The following GRIA4 variants were observed in gnomAD, a reference collection of about 807,000 sequenced individuals.
The protein encoded by GRIA4 is glutamate receptor 4.
GRIA4 carries 34 observed loss-of-function variants against 104.0 expected under a neutral mutation model. The ratio of observed to expected loss-of-function variants is 0.33; its 90% confidence interval spans 0.25 to 0.44. The LOEUF is 0.44. Ranked by LOEUF, GRIA4 falls within the 20% of genes least tolerant of loss-of-function variation. The pLI is 1.00. For synonymous variants in GRIA4, 386 were observed against 381.9 expected (o/e 1.01, Z -0.13); for missense variants, 750 against 1,096.5 (o/e 0.68, Z 4.46).
chr11:105,834,967 T>A (rs1213809514), intron 4 of GRIA4, among the ~76,000 whole-genome samples: 1 of 152,088 alleles, frequency 6.6e-6, no homozygotes, highest in Non-Finnish European at 1.5e-5. Flanking sequence ...TCAATATATG[T>A]ATAAGATCAG....
At chr11:105,684,699 G>T (rs532924693) in intron 3 of GRIA4, among the ~76,000 whole-genome samples, 2 of 150,068 alleles carry the variant, frequency 1.3e-5, no homozygotes, top group Admixed American at 6.6e-5. Flanking sequence ...AGAAGAAAAA[G>T]AATTTGATTT....
In GRIA4 at chr11:105,748,665, G is replaced by A. The variant is rs527671689; in HGVS notation, c.248-4316G>A. 1.3e-4 allele frequency among the ~76,000 whole-genome samples: 20 copies of A among 152,282 alleles called. No homozygotes were observed. The East Asian group carries it at 3.9e-3, about 29-fold the overall frequency. ...CCCAAAGTACTGGGATTACAGGCAT[G>A]AGCCACCGCGCCCCGCCCCTAGAAT... On this transcript the variant is annotated intron_variant, in intron 3 of 16. Transcript: ENST00000282499.
chr11:105,732,547 A>G (rs745896365), intron 3 of GRIA4, among the ~76,000 whole-genome samples: 8 of 152,076 alleles, frequency 5.3e-5, no homozygotes, highest in Non-Finnish European at 7.4e-5. Context: ...GCATGGAAAA[A>G]CAATAATAGA....
At chr11:105,786,173 A>AAAAGG (rs1268984708) in intron 4 of GRIA4, among the ~76,000 whole-genome samples, 1 of 150,676 alleles carries the variant, frequency 6.6e-6, no homozygotes, top group African/African-American at 2.4e-5. Context: ...AAAGGAAAGA[A>AAAAGG]AAAGGAAGTA....
chr11:105,921,587 G>A (rs1947566169), intron 11 of GRIA4, among the ~76,000 whole-genome samples: 1 of 152,064 alleles, frequency 6.6e-6, no homozygotes, highest in Non-Finnish European at 1.5e-5. Context: ...GGACATGGAT[G>A]TCACCACCTT....
intron 4 of GRIA4, among the ~76,000 whole-genome samples, chr11:105,781,940 C>G (rs757316747): frequency 1.3e-5 from 2 of 152,216 alleles, no homozygotes; most frequent in Admixed American, 6.5e-5. Context: ...TCAGGGGAAA[C>G]AGTACCCCTT....
chr11:105,912,648 G>A, intron 10 of GRIA4: 1 of 726,162 alleles, frequency 1.4e-6, no homozygotes, highest in Non-Finnish European at 1.7e-6. Context: ...GTATCTTTTT[G>A]TATGAAAATG....
intron 3 of GRIA4, among the ~76,000 whole-genome samples, chr11:105,751,445 CT>C (rs1200165487): frequency 6.6e-6 from 1 of 152,146 alleles, no homozygotes; most frequent in Non-Finnish European, 1.5e-5. Context: ...ATGCCTGAAG[CT>C]TCAACTAGAA....
chr11:105,919,606 G>A (rs976044739), intron 11 of GRIA4, among the ~76,000 whole-genome samples: 6 of 152,192 alleles, frequency 3.9e-5, no homozygotes, highest in African/African-American at 1.4e-4. Flanking sequence ...ATTCATAGCT[G>A]AAGGCAAATA....
intron 14 of GRIA4, chr11:105,945,391 A>T: frequency 3.6e-6 from 1 of 280,800 alleles, no homozygotes; most frequent in Non-Finnish European, 5.4e-6. Context: ...GAAAGGGTTG[A>T]CCAGAACTGA....
At chr11:105,811,422 A>C (rs777325427) in intron 4 of GRIA4, among the ~76,000 whole-genome samples, 1 of 151,986 alleles carries the variant, frequency 6.6e-6, no homozygotes, top group Non-Finnish European at 1.5e-5. Context: ...GCAAGTCCCA[A>C]ATGTCACATC....
chr11:105,689,888 G>C (rs1953023702), intron 3 of GRIA4, among the ~76,000 whole-genome samples: 1 of 152,192 alleles, frequency 6.6e-6, no homozygotes. Flanking sequence ...GTAACTAGCA[G>C]ATACTGGGAA....
intron 3 of GRIA4, among the ~76,000 whole-genome samples, chr11:105,648,403 A>T (rs560424512): frequency 0.013 from 1,972 of 151,450 alleles, 19 homozygotes; most frequent in Non-Finnish European, 0.022. Flanking sequence ...TTCTATTTTT[A>T]AAAATTGGAT....
chr11:105,652,924 T>C (rs1231088192), intron 3 of GRIA4, among the ~76,000 whole-genome samples: 1 of 152,112 alleles, frequency 6.6e-6, no homozygotes, highest in Admixed American at 6.6e-5. Flanking sequence ...TTATTCATGT[T>C]TGACACAGAG....
intron 3 of GRIA4, among the ~76,000 whole-genome samples, chr11:105,693,019 A>C (rs889717573): frequency 6.6e-6 from 1 of 152,218 alleles, no homozygotes; most frequent in African/African-American, 2.4e-5. Flanking sequence ...TCTGCCTCAG[A>C]TTTTACTGAG....
At chr11:105,762,154 G>A (rs1194384784) in intron 4 of GRIA4, among the ~76,000 whole-genome samples, 1 of 151,986 alleles carries the variant, frequency 6.6e-6, no homozygotes, top group Admixed American at 6.6e-5. Context: ...CTCCCGAGAA[G>A]CTGGGATTAC....
intron 6 of GRIA4, among the ~76,000 whole-genome samples, chr11:105,895,524 G>A (rs1338025156): frequency 6.7e-6 from 1 of 148,700 alleles, no homozygotes; most frequent in Non-Finnish European, 1.5e-5. Flanking sequence ...ATAGATAATA[G>A]ATACATGATA....
At chr11:105,731,416 A>G (rs1938579220) in intron 3 of GRIA4, among the ~76,000 whole-genome samples, 1 of 152,182 alleles carries the variant, frequency 6.6e-6, no homozygotes, top group Non-Finnish European at 1.5e-5. Context: ...GAACACTTTT[A>G]CACTGTTGGT....
chr11:105,971,004 CAAAT>C lies in GRIA4; in HGVS notation c.2295-908_2295-905del, dbSNP rs1463850215. On this transcript the variant is annotated intron_variant, in intron 14 of 16. Coordinates refer to ENST00000282499, the MANE Select transcript of GRIA4 (RefSeq NM_000829.4). The stretch of plus-strand genomic sequence containing the variant: ...AAGGAATCAAAGATAGTAGAGGAGA[CAAAT>C]AGAGTCTCTAATAAATATAAATAGA... 5.9e-5 allele frequency among the ~76,000 whole-genome samples: 9 copies of C among 152,162 alleles called. No individual in the cohort carries two copies. The East Asian group carries it at 1.7e-3, about 29-fold the overall frequency.
Sources: allele counts gnomAD v4.1 joint callset (sites outside exome capture counted in the v4.1 genomes callset), GRCh38; gene constraint gnomAD v4.1.1; transcripts MANE v1.5; gene names NCBI Gene and HGNC (gene_info 2026-07-23, HGNC 2026-07-21).